The following GIN1 variants were observed in gnomAD, a reference collection of about 807,000 sequenced individuals.
GIN1 encodes gypsy retrotransposon integrase-like protein 1.
In GIN1, 41 loss-of-function variants were observed where a neutral mutation model predicts 51.4. The observed-to-expected ratio is 0.80, with a 90% CI of 0.62 to 1.04. The LOEUF (loss-of-function observed/expected upper bound fraction) is 1.04, where lower values mean the gene tolerates loss of function less well. Ranked by LOEUF, GIN1 falls within the 50% of genes least tolerant of loss-of-function variation. The pLI is 0.00. For missense variants in GIN1, 610 were observed against 612.4 expected (o/e 1.00, Z 0.04); for synonymous variants, 222 against 206.5 (o/e 1.07, Z -0.64).
chr5:103,117,082 CTGTAAG>C (rs1326923160), intron 1 of GIN1, among the ~76,000 whole-genome samples: 1 of 151,974 alleles, frequency 6.6e-6, no homozygotes, highest in African/African-American at 2.4e-5. Context: ...ACCTAAAAAC[CTGTAAG>C]TGTATGTTTT....
chr5:103,113,268 T>G (rs137987979), intron 1 of GIN1, among the ~76,000 whole-genome samples: 1 of 152,160 alleles, frequency 6.6e-6, no homozygotes, highest in Non-Finnish European at 1.5e-5. Context: ...ATAACAAATA[T>G]ACCATAAACT....
intron 1 of GIN1, among the ~76,000 whole-genome samples, chr5:103,118,163 T>C (rs782692134): frequency 6.6e-6 from 1 of 151,868 alleles, no homozygotes; most frequent in African/African-American, 2.4e-5. Flanking sequence ...TAGCAAATAT[T>C]CCAGAGGTAA....
intron 4 of GIN1, 54 bp from the exon 5 acceptor site, chr5:103,097,835 C>A: frequency 1.4e-6 from 1 of 728,338 alleles, no homozygotes; most frequent in Non-Finnish European, 2.3e-6. Flanking sequence ...TTTATTTTTC[C>A]ATTGACTTAA....
intron 1 of GIN1, among the ~76,000 whole-genome samples, chr5:103,115,118 CTGAG>C (rs1343896829): frequency 6.6e-6 from 1 of 152,124 alleles, no homozygotes; most frequent in African/African-American, 2.4e-5. Context: ...AAAAATGTGA[CTGAG>C]TAACTGCTAT....
chr5:103,097,273 A>C (rs1554195182), intron 6 of GIN1, 41 bp downstream of exon 6: 1 of 1,208,346 alleles, frequency 8.3e-7, no homozygotes, highest in African/African-American at 1.5e-5. Context: ...TATAACTTTT[A>C]TAAAGTTTTA....
At position 103,119,039 on chromosome 5, in the gene GIN1, G is replaced by A. The variant is rs144811473; in HGVS notation, c.-8+1025C>T. On this transcript the variant is annotated intron_variant, in intron 1 of 7. Coordinates refer to ENST00000399004, the MANE Select transcript of GIN1 (RefSeq NM_017676.2). Reference sequence around the variant, plus strand: ...TGTAGTTTTGCAAGAGGAATGTCAGGGTCACATTTGGTTAAGCTTTATACA... The same window carrying A: ...TGTAGTTTTGCAAGAGGAATGTCAGAGTCACATTTGGTTAAGCTTTATACA... Among the ~76,000 whole-genome samples, 63 of 152,164 alleles carry A rather than the reference G, an allele frequency of 4.1e-4. No individual in the cohort carries two copies. The East Asian group carries it at 0.011, about 26-fold the overall frequency.
chr5:103,104,700 A>C lies in GIN1; in HGVS notation c.480T>G (p.Tyr160Ter), dbSNP rs1554196093. ...TGAACAAATCTGTCATGATTATAGC[A>C]TATACATGACTTCTGTTGCTTGTAT... ...PFHTSNRSHV[Y>*]AIIMTDLFTK... The change falls in exon 4 of 8, where the codon TAT (tyrosine) becomes TAG (stop). Residue 160 changes from tyrosine to a stop codon, truncating the protein, a stop_gained. Coordinates refer to ENST00000399004, the MANE Select transcript of GIN1 (RefSeq NM_017676.2). LOFTEE classifies it high-confidence loss of function. The C allele has an allele frequency of 6.2e-7, 1 of 1,613,362 alleles. No individual in the cohort carries two copies. The highest frequency in any genetic ancestry group is 8.5e-7 in the Non-Finnish European group (1 of 1,179,322).
chr5:103,093,786 CA>C (rs1231676486), intron 7 of GIN1, among the ~76,000 whole-genome samples: 9 of 152,088 alleles, frequency 5.9e-5, no homozygotes, highest in African/African-American at 2.2e-4. Flanking sequence ...TACAAAAAGA[CA>C]CTATGGTATT....
intron 1 of GIN1, among the ~76,000 whole-genome samples, chr5:103,114,455 T>A (rs1226422536): frequency 2.0e-5 from 3 of 152,242 alleles, no homozygotes; most frequent in Non-Finnish European, 4.4e-5. Context: ...TCTGAAGCTC[T>A]GGCTTAGGGA....
At position 103,090,521 on chromosome 5, in the gene GIN1, T is replaced by C. The variant is rs375889749; in HGVS notation, c.1295-2349A>G. ...ACATGTTGCTGATGAAATTTTCTACTAAGTCATGGAGAATTCCATAGGTTC... is the reference window on the plus strand; with the variant it reads ...ACATGTTGCTGATGAAATTTTCTACCAAGTCATGGAGAATTCCATAGGTTC... On this transcript the variant is annotated intron_variant, in intron 7 of 7. Coordinates refer to ENST00000399004, the MANE Select transcript of GIN1 (RefSeq NM_017676.2). Among the ~76,000 whole-genome samples, 3 of 152,298 alleles carry C rather than the reference T, an allele frequency of 2.0e-5. No homozygotes were observed. The South Asian group carries it at 6.2e-4, about 32-fold the overall frequency.
Position 103,097,380 on chromosome 5 carries a change from G to T in GIN1, c.942C>A (p.Ala314=). The T allele has an allele frequency of 1.9e-6, 3 of 1,594,938 alleles. No homozygotes were observed. In the South Asian group the frequency reaches 3.3e-5, roughly 18 times the overall value. ...CTTCTTTAATTGCATCTAGAATTTT[G>T]GCAAACATACTTGTATTATCACCAT... ...EVDGDNTSMF[A]KILDAIKEAD... is the part of the protein sequence containing the mutation. Residue 314 remains alanine (A), a synonymous_variant, in exon 6 of 8, where the codon GCC becomes GCA. Coordinates refer to ENST00000399004, the MANE Select transcript of GIN1 (RefSeq NM_017676.2).
intron 1 of GIN1, among the ~76,000 whole-genome samples, chr5:103,111,710 A>G (rs921166679): frequency 6.6e-6 from 1 of 152,162 alleles, no homozygotes; most frequent in Non-Finnish European, 1.5e-5. Flanking sequence ...CAAACCAGCC[A>G]TTGGAAAAAA....
chr5:103,104,732 G>T lies in GIN1; in HGVS notation c.448C>A (p.Pro150Thr). ...TGACTTCTGTTGCTTGTATGAAAAG[G>T]CCCCATCAGATCAACAGTAACTAAA... ...WSLVTVDLMG[P>T]FHTSNRSHVY... The change falls in exon 4 of 8, where the codon CCT becomes ACT. Residue 150 changes from proline to threonine, a missense_variant. By Grantham distance (38) the Pro-to-Thr change is conservative. Coordinates refer to ENST00000399004, the MANE Select transcript of GIN1 (RefSeq NM_017676.2). The T allele has an allele frequency of 6.2e-7, 1 of 1,610,688 alleles. No homozygotes were observed. Among genetic ancestry groups the T allele is most frequent in the Non-Finnish European group, 8.5e-7 (1 of 1,177,016 alleles).
Position 103,104,787 on chromosome 5 carries a change from C to G in GIN1, c.393G>C (p.Gln131His). ...ATGGATTTTCCACCTTGAGAAGGTG[C>G]TGTTTCGGTGCTACAATAACTGTAT... is the stretch of plus-strand genomic sequence containing the variant. ...AKNTVIVAPKQHLLKVENPWS... is the reference protein window; with the variant it reads ...AKNTVIVAPKHHLLKVENPWS... The change falls in exon 4 of 8, where the codon CAG becomes CAC. Residue 131 changes from glutamine (Q) to histidine (H), a missense_variant. By Grantham distance (24) the Gln-to-His change is conservative. Coordinates refer to ENST00000399004, the MANE Select transcript of GIN1 (RefSeq NM_017676.2). 1 of 1,611,846 alleles carries G rather than the reference C, an allele frequency of 6.2e-7. No homozygotes were observed. The highest frequency in any genetic ancestry group is 8.5e-7 in the Non-Finnish European group (1 of 1,178,156).
chr5:103,115,784 A>T (rs1439586053), intron 1 of GIN1, among the ~76,000 whole-genome samples: 1 of 152,080 alleles, frequency 6.6e-6, no homozygotes, highest in Non-Finnish European at 1.5e-5. Context: ...ATGCTAATGG[A>T]AGGGCTTCTA....
At chr5:103,110,850 G>A (rs1201872931) in intron 1 of GIN1, among the ~76,000 whole-genome samples, 6 of 152,094 alleles carry the variant, frequency 3.9e-5, no homozygotes, top group Non-Finnish European at 7.4e-5. Context: ...TTTACCATGC[G>A]TATACTCTGT....
chr5:103,104,595 T>A lies in GIN1; in HGVS notation c.585A>T (p.Leu195Phe), dbSNP rs782735471. Reference sequence around the variant, plus strand: ...TTATTATTTTCTGAGGAGGTCCATATAAGAAAAATATATTGATAATAGCTT... The same window carrying A: ...TTATTATTTTCTGAGGAGGTCCATAAAAGAAAAATATATTGATAATAGCTT... ...VSKAIINIFFLYGPPQKIIMD... is the reference protein window; with the variant it reads ...VSKAIINIFFFYGPPQKIIMD... Residue 195 changes from leucine to phenylalanine, a missense_variant, in exon 4 of 8, where the codon TTA becomes TTT. Leu to Phe is a conservative substitution (Grantham distance 22, BLOSUM62 0). Transcript: ENST00000399004. 18 of 1,568,358 alleles carry A rather than the reference T, an allele frequency of 1.1e-5. No individual in the cohort carries two copies. Among genetic ancestry groups the A allele is most frequent in the Non-Finnish European group, 1.5e-5 (17 of 1,139,254 alleles).
chr5:103,108,667 T>A lies in GIN1; in HGVS notation c.41A>T (p.Gln14Leu). The A allele has an allele frequency of 1.9e-6, 3 of 1,603,870 alleles. No homozygotes were observed. The highest frequency in any genetic ancestry group is 2.6e-6 in the Non-Finnish European group (3 of 1,171,964). ...ACCAGTTCGTTTGTAATATGCAATC[T>A]GTTTAAGATGAAGGTCACCATTTTT... The part of the protein sequence containing the change: ...SGKNGDLHLK[Q>L]IAYYKRTGEY... Residue 14 changes from glutamine (Q) to leucine (L), a missense_variant, in exon 2 of 8, where the codon CAG becomes CTG. Coordinates refer to ENST00000399004, the MANE Select transcript of GIN1 (RefSeq NM_017676.2).
rs1788376659 is a variant in GIN1, at chr5:103,120,073, C to T, written c.-17G>A. Reference sequence around the variant, plus strand: ...CAGAACGACCACTCACCGAGGTGGTCCTAAATTCAAACGACAGATTTAAGC... The same window carrying T: ...CAGAACGACCACTCACCGAGGTGGTTCTAAATTCAAACGACAGATTTAAGC... On this transcript the variant is annotated 5_prime_UTR_variant, in exon 1 of 8. Transcript: ENST00000399004. 1 of 189,954 alleles carries T rather than the reference C, an allele frequency of 5.3e-6. No homozygotes were observed. Among genetic ancestry groups the T allele is most frequent in the African/African-American group, 2.3e-5 (1 of 43,332 alleles). The allele number at this position is 189,954 out of a possible 1,614,324, so 11.8% of individuals were successfully genotyped here. A position where few individuals can be genotyped will look rare whatever the true frequency, so the allele number is the denominator to read the frequency against.
Sources: allele counts gnomAD v4.1 joint callset (sites outside exome capture counted in the v4.1 genomes callset), GRCh38; gene constraint gnomAD v4.1.1; transcripts MANE v1.5; gene names NCBI Gene and HGNC (gene_info 2026-07-23, HGNC 2026-07-21).